The following LYPLAL1 variants were observed in gnomAD, a reference collection of about 807,000 sequenced individuals.
The protein encoded by LYPLAL1 is lysophospholipase-like protein 1.
Under a neutral mutation model 19.7 loss-of-function variants are expected in LYPLAL1, and 23 were observed. The observed-to-expected ratio is 1.17, with a 90% confidence interval of 0.84 to 1.65. LYPLAL1 has a LOEUF of 1.65. Among genes scored for constraint, LYPLAL1 ranks in the 40% most tolerant of loss-of-function variants. The pLI, the probability that LYPLAL1 is intolerant of heterozygous loss-of-function variation, is 0.00. For synonymous variants in LYPLAL1, 119 were observed against 96.3 expected, an observed-to-expected ratio of 1.24 and a Z score of -1.38; for missense variants, 355 against 279.4, an observed-to-expected ratio of 1.27 and a Z score of -1.93.
the LYPLAL1 span, among the ~76,000 whole-genome samples, chr1:219,397,324 TG>T: frequency 6.6e-6 from 1 of 152,220 alleles, no homozygotes; most frequent in Non-Finnish European, 1.5e-5. Context: ...GCCAATTTTT[TG>T]TAGAGGATTT....
At chr1:219,233,390 G>T in the LYPLAL1 span, among the ~76,000 whole-genome samples, 12 of 152,264 alleles carry the variant, frequency 7.9e-5, no homozygotes, top group African/African-American at 2.4e-4. Context: ...TTTCAGTTTT[G>T]CAGTATGAAA....
chr1:219,397,433 G>A, the LYPLAL1 span, among the ~76,000 whole-genome samples: 2 of 152,182 alleles, frequency 1.3e-5, no homozygotes, highest in Non-Finnish European at 1.5e-5. Context: ...CATAGGATGA[G>A]TTAGGGAGGA....
At chr1:219,392,644 A>AT in the LYPLAL1 span, among the ~76,000 whole-genome samples, 3 of 152,314 alleles carry the variant, frequency 2.0e-5, no homozygotes, top group South Asian at 4.1e-4. Flanking sequence ...GCTTTATGAT[A>AT]TTCAGCTGGT....
At chr1:219,444,821 A>G in the LYPLAL1 span, among the ~76,000 whole-genome samples, 1 of 152,208 alleles carries the variant, frequency 6.6e-6, no homozygotes, top group South Asian at 2.1e-4. Context: ...TTTACTTTCC[A>G]ACAACTGGAG....
chr1:219,359,017 A>G, the LYPLAL1 span, among the ~76,000 whole-genome samples: 1 of 152,274 alleles, frequency 6.6e-6, no homozygotes, highest in African/African-American at 2.4e-5. Context: ...TTTACTAGAA[A>G]ACAAAATCCA....
chr1:219,259,285 G>A, the LYPLAL1 span, among the ~76,000 whole-genome samples: 97 of 151,870 alleles, frequency 6.4e-4, no homozygotes, highest in East Asian at 4.1e-3. Context: ...AAAAGAAGCC[G>A]TTATGTAACA....
chr1:219,296,760 G>A, the LYPLAL1 span, among the ~76,000 whole-genome samples: 1 of 152,096 alleles, frequency 6.6e-6, no homozygotes, highest in African/African-American at 2.4e-5. Context: ...GAAATCATAG[G>A]TTACAACAAA....
At chr1:219,354,527 G>A in the LYPLAL1 span, among the ~76,000 whole-genome samples, 3 of 152,048 alleles carry the variant, frequency 2.0e-5, no homozygotes, top group Non-Finnish European at 2.9e-5. Context: ...GCAGTAAGTC[G>A]CAGATCAAAA....
At chr1:219,353,154 G>T in the LYPLAL1 span, among the ~76,000 whole-genome samples, 1 of 152,322 alleles carries the variant, frequency 6.6e-6, no homozygotes, top group African/African-American at 2.4e-5. Flanking sequence ...TTGCCTGGAG[G>T]CATTTACTAG....
At chr1:219,319,738 A>G in the LYPLAL1 span, among the ~76,000 whole-genome samples, 1 of 152,162 alleles carries the variant, frequency 6.6e-6, no homozygotes, top group Non-Finnish European at 1.5e-5. Context: ...ACTCACACTG[A>G]CTCACCCCCT....
At chr1:219,196,840 T>C (rs1028675419) in intron 3 of LYPLAL1, among the ~76,000 whole-genome samples, 3 of 152,026 alleles carry the variant, frequency 2.0e-5, no homozygotes, top group Non-Finnish European at 2.9e-5. Context: ...TCACAAGCAT[T>C]CCTATACACC....
the LYPLAL1 span, among the ~76,000 whole-genome samples, chr1:219,292,032 G>C: frequency 1.3e-5 from 2 of 152,158 alleles, no homozygotes; most frequent in Non-Finnish European, 2.9e-5. Flanking sequence ...TTCAAAAGCA[G>C]GCACCTGGGT....
chr1:219,355,976 C>A, the LYPLAL1 span, among the ~76,000 whole-genome samples: 2 of 152,104 alleles, frequency 1.3e-5, no homozygotes, highest in African/African-American at 4.8e-5. Context: ...CAAAATGTTT[C>A]ATCTCAAGCC....
the LYPLAL1 span, among the ~76,000 whole-genome samples, chr1:219,322,674 G>C: frequency 6.6e-6 from 1 of 152,134 alleles, no homozygotes; most frequent in South Asian, 2.1e-4. Flanking sequence ...TAAATTGTGC[G>C]ATGCTAAGAA....
chr1:219,174,676 T>C (rs1268122139), intron 1 of LYPLAL1, among the ~76,000 whole-genome samples: 3 of 152,212 alleles, frequency 2.0e-5, no homozygotes, highest in Non-Finnish European at 2.9e-5. Context: ...GTAATCACTT[T>C]TGTCTGTCTT....
chr1:219,380,312 A>G, the LYPLAL1 span, among the ~76,000 whole-genome samples: 1 of 152,220 alleles, frequency 6.6e-6, no homozygotes, highest in Non-Finnish European at 1.5e-5. Flanking sequence ...GGACGCTGTA[A>G]AAGGAGAGAG....
At chr1:219,245,125 T>C in the LYPLAL1 span, among the ~76,000 whole-genome samples, 1 of 151,588 alleles carries the variant, frequency 6.6e-6, no homozygotes, top group Admixed American at 6.6e-5. Flanking sequence ...CTGTTCTCTT[T>C]TTTCTTCTTT....
At chr1:219,263,196 T>C in the LYPLAL1 span, among the ~76,000 whole-genome samples, 8 of 152,040 alleles carry the variant, frequency 5.3e-5, no homozygotes, top group Admixed American at 1.3e-4. Flanking sequence ...GGGGAGGTGG[T>C]TATCAGGCCA....
chr1:219,306,811 T>TATAG, the LYPLAL1 span, among the ~76,000 whole-genome samples: 12,510 of 132,334 alleles, frequency 0.095, 641 homozygotes, highest in Middle Eastern at 0.15. Context: ...CATAGATAGA[T>TATAG]ATAGATAGAT....
Sources: allele counts gnomAD v4.1 joint callset (sites outside exome capture counted in the v4.1 genomes callset), GRCh38; gene constraint gnomAD v4.1.1; transcripts MANE v1.5; gene names NCBI Gene and HGNC (gene_info 2026-07-23, HGNC 2026-07-21).